SIM2: variants seen among roughly 807,000 people sequenced by gnomAD.
The protein encoded by SIM2 is SIM bHLH transcription factor 2, also known as single-minded homolog 2.
In SIM2, 28 loss-of-function variants were observed where a neutral mutation model predicts 64.8. The observed-to-expected ratio is 0.43, with a 90% CI of 0.32 to 0.59. The LOEUF is 0.59. SIM2 is among the 20% of genes least tolerant of loss of function. SIM2 has a pLI of 0.07. For synonymous variants in SIM2, 408 were observed against 391.1 expected, an observed-to-expected ratio of 1.04 and a Z score of -0.51; for missense variants, 847 against 871.4, an observed-to-expected ratio of 0.97 and a Z score of 0.35.
rs1340189740 is a variant in SIM2 at position 36,726,972 on chromosome 21, C to A, written c.743+654C>A. Among the ~76,000 whole-genome samples the A allele has an allele frequency of 6.6e-6, 1 of 152,156 alleles. No individual in the cohort carries two copies. Among genetic ancestry groups the A allele is most frequent in the Admixed American group, 6.5e-5 (1 of 15,268 alleles). ...ACTCTCCCCTAGAACCGGCTGCAGT[C>A]CCAGTTTTTTAACTGAGTCTGCAGT... On this transcript the variant is annotated intron_variant, in intron 6 of 10. Transcript: ENST00000290399. The surrounding 1 kb of genome is among the most constrained non-coding windows in gnomAD (Gnocchi z 4.5).
chr21:36,725,899 G>A (rs2088883659), intron 5 of SIM2, among the ~76,000 whole-genome samples: 1 of 152,246 alleles, frequency 6.6e-6, no homozygotes, highest in Non-Finnish European at 1.5e-5. Context: ...GAGATGGCAA[G>A]ACTGAGCCAC....
At chr21:36,746,474 G>A (rs1319300108) in intron 10 of SIM2, 1 of 152,210 alleles carries the variant, frequency 6.6e-6, no homozygotes, top group African/African-American at 2.4e-5. Context: ...CAAATCCTAG[G>A]AATCTCTTGC....
At chr21:36,742,059 C>T (rs1020784356) in intron 8 of SIM2, among the ~76,000 whole-genome samples, 195 bp downstream of exon 8, 3 of 151,002 alleles carry the variant, frequency 2.0e-5, no homozygotes, top group Admixed American at 6.6e-5. Context: ...CTATGCTCAG[C>T]GGTGAAAGCC....
In SIM2 at chr21:36,744,802, C is replaced by A. The variant is rs747816999; in HGVS notation, c.1242C>A (p.Ser414Arg). ...ACTGGAGAGCCAGTCCCCCTGCAAGCGCTGCTGCTCCTCCAGAACTGCAGC... is the reference window on the plus strand; with the variant it reads ...ACTGGAGAGCCAGTCCCCCTGCAAGAGCTGCTGCTCCTCCAGAACTGCAGC... ...LGNWRASPPA[S>R]AAAPPELQPH... is the part of the protein sequence containing the mutation. The change falls in exon 10 of 11, where the codon AGC becomes AGA. Residue 414 changes from serine (S) to arginine (R), a missense_variant. Around this residue, in one of 3 missense-constraint regions of SIM2, gnomAD observed 447 missense variants for 414.6 expected, o/e 1.08. Transcript: ENST00000290399. The A allele has an allele frequency of 1.2e-6, 2 of 1,613,944 alleles. No homozygotes were observed. Among genetic ancestry groups the A allele is most frequent in the Admixed American group, 1.7e-5 (1 of 59,980 alleles).
rs1048266984 is a variant in SIM2, at chr21:36,705,672, G to C, written c.176-3496G>C. Reference sequence around the variant, plus strand: ...CGTCTTAAAGCAAGGAGGGGGAGTCGGGAGGAGGTGAGACCCCTGCACCCA... The same window carrying C: ...CGTCTTAAAGCAAGGAGGGGGAGTCCGGAGGAGGTGAGACCCCTGCACCCA... On this transcript the variant is annotated intron_variant, in intron 1 of 10. Coordinates refer to ENST00000290399, the MANE Select transcript of SIM2 (RefSeq NM_005069.6). 5.3e-5 allele frequency among the ~76,000 whole-genome samples: 8 copies of C among 152,336 alleles called. No homozygotes were observed. In the East Asian group the frequency reaches 1.5e-3, roughly 29 times the overall value.
intron 6 of SIM2, 65 bp from the exon 7 acceptor site, chr21:36,730,980 T>C: frequency 8.5e-7 from 1 of 1,174,940 alleles, no homozygotes; most frequent in Non-Finnish European, 1.3e-6. Context: ...GCAAAACCAA[T>C]ATTAGTTTAA....
At chr21:36,708,846 G>T (rs1220389315) in intron 1 of SIM2, among the ~76,000 whole-genome samples, 1 of 152,250 alleles carries the variant, frequency 6.6e-6, no homozygotes, top group Non-Finnish European at 1.5e-5. Flanking sequence ...AGATTACTTT[G>T]TGGCATTTCA....
chr21:36,713,049 T>C (rs1038002509), intron 3 of SIM2, among the ~76,000 whole-genome samples: 1 of 152,214 alleles, frequency 6.6e-6, no homozygotes, highest in Non-Finnish European at 1.5e-5. Context: ...TTATGCAGAA[T>C]GTTCTTTGGG....
Position 36,736,400 on chromosome 21 carries a change from G to A in SIM2, c.850+5249G>A, listed in dbSNP as rs532285455. ...GATTGGAGGTAAGAGGTGGTGGTCC[G>A]GGAGGGCCAGACAGCCCGATGGTTT... On this transcript the variant is annotated intron_variant, in intron 7 of 10. Transcript: ENST00000290399. Among the ~76,000 whole-genome samples the A allele has an allele frequency of 8.5e-5, 13 of 152,292 alleles. 1 individual carries two copies. The South Asian group carries it at 1.9e-3, about 22-fold the overall frequency.
intron 3 of SIM2, among the ~76,000 whole-genome samples, chr21:36,715,464 A>G (rs551089650): frequency 6.6e-6 from 1 of 152,328 alleles, no homozygotes; most frequent in South Asian, 2.1e-4. Context: ...GTCATGAGAG[A>G]TAAAAGTGTT....
intron 7 of SIM2, among the ~76,000 whole-genome samples, chr21:36,740,663 G>A (rs1387409511): frequency 1.3e-5 from 2 of 152,206 alleles, no homozygotes; most frequent in African/African-American, 2.4e-5. Context: ...TTTGCCCAGC[G>A]GTATGACAGG....
rs149168996 is a variant in SIM2, at chr21:36,748,396, A to G, written c.*304A>G. 63 of 161,974 alleles carry G rather than the reference A, an allele frequency of 3.9e-4. No individual in the cohort carries two copies. The highest frequency in any genetic ancestry group is 3.9e-3 in the East Asian group (23 of 5,958). The allele number at this position is 161,974 out of a possible 1,614,324, so 10.0% of individuals were successfully genotyped here. A position where few individuals can be genotyped will look rare whatever the true frequency, so the allele number is the denominator to read the frequency against. On this transcript the variant is annotated 3_prime_UTR_variant, in exon 11 of 11. Coordinates refer to ENST00000290399, the MANE Select transcript of SIM2 (RefSeq NM_005069.6). The stretch of plus-strand genomic sequence containing the variant: ...CTTCACGCGTCTTGCCTTGTCCCCA[A>G]CGTTCCACAACAGTCCCGCTGGGGG...
intron 7 of SIM2, among the ~76,000 whole-genome samples, chr21:36,739,081 C>T (rs1189600411): frequency 2.7e-5 from 2 of 74,154 alleles, no homozygotes; most frequent in African/African-American, 6.5e-5. Context: ...GGTTAAACCT[C>T]CTCCTCGTTG....
chr21:36,736,370 G>C (rs940102306), intron 7 of SIM2, among the ~76,000 whole-genome samples: 1 of 152,208 alleles, frequency 6.6e-6, no homozygotes, highest in Admixed American at 6.5e-5. Flanking sequence ...GCTCTGCAGA[G>C]GCCTGATTGG....
chr21:36,699,864 G>C lies in SIM2; in HGVS notation c.118G>C (p.Ala40Pro). ...PSAITSQLDK[A>P]SIIRLTTSYL... ...GGCCATCACTTCGCAGCTGGACAAA[G>C]CGTCCATCATCCGCCTCACCACGAG... Residue 40 changes from alanine to proline, a missense_variant, in exon 1 of 11, where the codon GCG becomes CCG. Transcript: ENST00000290399. The surrounding 1 kb of genome is among the most constrained non-coding windows in gnomAD (Gnocchi z 5.6). 2.5e-6 allele frequency: 4 copies of C among 1,609,454 alleles called. No homozygotes were observed. The highest frequency in any genetic ancestry group is 3.4e-6 in the Non-Finnish European group (4 of 1,178,058).
At chr21:36,741,051 C>A (rs377664487) in intron 7 of SIM2, among the ~76,000 whole-genome samples, 2 of 152,314 alleles carry the variant, frequency 1.3e-5, no homozygotes, top group African/African-American at 4.8e-5. Context: ...GGCTGAGCTG[C>A]TTAGCGGCCT....
At chr21:36,708,758 G>A (rs997042842) in intron 1 of SIM2, among the ~76,000 whole-genome samples, 9 of 152,212 alleles carry the variant, frequency 5.9e-5, no homozygotes, top group African/African-American at 1.9e-4. Flanking sequence ...GGGAGGGAAG[G>A]AGGGTCCTTG....
chr21:36,741,999 T>TC, intron 8 of SIM2, 135 bp downstream of exon 8: 1 of 1,062,584 alleles, frequency 9.4e-7, no homozygotes, highest in Non-Finnish European at 1.3e-6. Flanking sequence ...TTCTTTTTTT[T>TC]AATTTTTTTT....
chr21:36,738,080 AAAT>A (rs1245324553), intron 7 of SIM2, among the ~76,000 whole-genome samples: 1 of 151,968 alleles, frequency 6.6e-6, no homozygotes, highest in African/African-American at 2.4e-5. Context: ...AGTCCTCTTG[AAAT>A]CCGTGGATGG....
Sources: allele counts gnomAD v4.1 joint callset (sites outside exome capture counted in the v4.1 genomes callset), GRCh38; gene constraint gnomAD v4.1.1; regional missense constraint gnomAD v4.1.1; non-coding constraint Gnocchi (gnomAD v3.1); transcripts MANE v1.5; gene names NCBI Gene and HGNC (gene_info 2026-07-23, HGNC 2026-07-21).